TIMM50: variants seen among roughly 807,000 people sequenced by gnomAD.
The protein encoded by TIMM50 is mitochondrial import inner membrane translocase subunit TIM50.
In TIMM50, 34 loss-of-function variants were observed where a neutral mutation model predicts 49.6. That is an observed-to-expected ratio of 0.69 (90% confidence interval 0.52 to 0.91). TIMM50 has a LOEUF of 0.91. Among genes scored for constraint, TIMM50 ranks in the 40% least tolerant of loss-of-function variants. The pLI, the probability that TIMM50 is intolerant of heterozygous loss-of-function variation, is 0.00. For missense variants in TIMM50, 458 were observed against 477.8 expected (o/e 0.96, Z 0.39); for synonymous variants, 199 against 198.4 (o/e 1.00, Z -0.03).
At chr19:39,481,265 G>A (rs2079469531) in intron 1 of TIMM50, 1 of 443,970 alleles carries the variant, frequency 2.3e-6, no homozygotes, top group Admixed American at 4.1e-5. Flanking sequence ...GGACGCTGGA[G>A]TCCCAGTCTG....
chr19:39,483,097 G>C (rs1261396968), intron 3 of TIMM50, 38 bp from the exon 4 acceptor site: 3 of 1,613,896 alleles, frequency 1.9e-6, no homozygotes, highest in Non-Finnish European at 2.5e-6. Context: ...TTCTGCCTCT[G>C]ACATCCTAAA....
chr19:39,481,656 C>T (rs960257193), intron 1 of TIMM50, among the ~76,000 whole-genome samples: 2 of 152,124 alleles, frequency 1.3e-5, no homozygotes, highest in African/African-American at 2.4e-5. Context: ...GGATCCTGTG[C>T]ACCTGGCCTG....
Position 39,493,494 on chromosome 19 carries a change from AAAG to A in TIMM50, c.*3678_*3680del, listed in dbSNP as rs142464577. Reference sequence around the variant, plus strand: ...GGCCTGAAGTAACTGAAGAATCACAAAAGAAGTGAAAAGGCCCTGCCCCGCCTT... The same window carrying A: ...GGCCTGAAGTAACTGAAGAATCACAAAAGTGAAAAGGCCCTGCCCCGCCTT... On this transcript the variant is annotated 3_prime_UTR_variant, in exon 11 of 11. Coordinates refer to ENST00000607714, the MANE Select transcript of TIMM50 (RefSeq NM_001001563.5). 42,974 of 151,766 alleles carry A rather than the reference AAAG, an allele frequency of 0.28. 7,601 individuals are homozygous for A. Among genetic ancestry groups the A allele is most frequent in the African/African-American group, 0.5 (20,554 of 41,268 alleles). The allele number at this position is 151,766 out of a possible 1,614,324, so 9.4% of individuals were successfully genotyped here. A position where few individuals can be genotyped will look rare whatever the true frequency, so the allele number is the denominator to read the frequency against.
At chr19:39,489,658 C>T (rs954342555) in intron 10 of TIMM50, 61 bp from the exon 11 acceptor site, 1 of 1,476,762 alleles carries the variant, frequency 6.8e-7, no homozygotes, top group Non-Finnish European at 9.2e-7. Context: ...ACCTGGGCAT[C>T]TGGGAGGAGG....
chr19:39,488,109 T>G lies in TIMM50; in HGVS notation c.745T>G (p.Cys249Gly). The change falls in exon 9 of 11, where the codon TGC (cysteine) becomes GGC (glycine). Residue 249 changes from cysteine (C) to glycine (G), a missense_variant. Coordinates refer to ENST00000607714, the MANE Select transcript of TIMM50 (RefSeq NM_001001563.5). ...RDPARVVVVD[C>G]KKEAFRLQPY... is the part of the protein sequence containing the mutation. ...CCCAGCTCGAGTAGTAGTTGTGGACTGCAAGAAGGAAGCCTTCCGCCTGCA... is the reference window on the plus strand; with the variant it reads ...CCCAGCTCGAGTAGTAGTTGTGGACGGCAAGAAGGAAGCCTTCCGCCTGCA... 6.2e-7 allele frequency: 1 copy of G among 1,613,876 alleles called. No individual in the cohort carries two copies. The highest frequency in any genetic ancestry group is 1.1e-5 in the South Asian group (1 of 91,076).
At chr19:39,485,654 G>T (rs1219847369) in intron 5 of TIMM50, 34 bp from the exon 6 acceptor site, 2 of 1,613,954 alleles carry the variant, frequency 1.2e-6, no homozygotes, top group Non-Finnish European at 1.7e-6. Flanking sequence ...TGGCCTCCTT[G>T]TCTGAGCGCC....
At chr19:39,482,953 C>G (rs1224991875) in intron 3 of TIMM50, 37 bp downstream of exon 3, 1 of 1,614,020 alleles carries the variant, frequency 6.2e-7, no homozygotes, top group African/African-American at 1.3e-5. Context: ...GCCAGGAGTC[C>G]TAGTCTGTGG....
At chr19:39,487,215 G>T (rs551778934) in intron 8 of TIMM50, among the ~76,000 whole-genome samples, 1 of 152,318 alleles carries the variant, frequency 6.6e-6, no homozygotes, top group East Asian at 1.9e-4. Context: ...CTCTCTGTGT[G>T]CTAGGCCCTG....
intron 8 of TIMM50, among the ~76,000 whole-genome samples, chr19:39,487,235 G>A (rs1234717329): frequency 6.6e-6 from 1 of 152,158 alleles, no homozygotes; most frequent in African/African-American, 2.4e-5. Context: ...GGGTCTAGAA[G>A]TCTATGTGAT....
At chr19:39,481,147 G>A (rs139147272) in intron 1 of TIMM50, 186 bp downstream of exon 1, 89 of 793,160 alleles carry the variant, frequency 1.1e-4, no homozygotes, top group Non-Finnish European at 1.5e-4. Context: ...GGGAATCCAG[G>A]TGTGTCCTTA....
intron 6 of TIMM50, 155 bp from the exon 7 acceptor site, chr19:39,486,032 G>A (rs749443241): frequency 2.7e-5 from 29 of 1,058,710 alleles, no homozygotes; most frequent in Non-Finnish European, 3.2e-5. Context: ...AGCCAGACCC[G>A]CAGTCACAGC....
At chr19:39,485,385 T>C in intron 4 of TIMM50, 159 bp from the exon 5 acceptor site, 3 of 738,422 alleles carry the variant, frequency 4.1e-6, no homozygotes, top group Non-Finnish European at 6.9e-6. Context: ...TATCTGGCGG[T>C]ATGTCATTGC....
chr19:39,486,922 T>C (rs2079511181), intron 8 of TIMM50, among the ~76,000 whole-genome samples: 1 of 152,184 alleles, frequency 6.6e-6, no homozygotes, highest in Non-Finnish European at 1.5e-5. Flanking sequence ...TCTGTGGGTC[T>C]GGCTCCAAGT....
In TIMM50 at chr19:39,483,349, G is replaced by A. The variant is rs74360718; in HGVS notation, c.313+193G>A. The A allele has an allele frequency of 1.2e-5, 8 of 662,970 alleles. No individual in the cohort carries two copies. In the East Asian group the frequency reaches 1.7e-4, roughly 14 times the overall value. 41.1% of individuals were successfully genotyped at this position (662,970 alleles called of 1,614,324 possible). Reference sequence around the variant, plus strand: ...CCCACTTCCCTGGCCCCTCAGCCCCGAGCAGATGGTCAGAGACAGATGGGG... The same window carrying A: ...CCCACTTCCCTGGCCCCTCAGCCCCAAGCAGATGGTCAGAGACAGATGGGG... On this transcript the variant is annotated intron_variant, in intron 4 of 10. Transcript: ENST00000607714.
rs748098940 is a variant in TIMM50, at chr19:39,485,727, C to T, written c.412C>T (p.Pro138Ser). Residue 138 changes from proline to serine, a missense_variant, in exon 6 of 11, where the codon CCT becomes TCT. By Grantham distance (74) the Pro-to-Ser change is moderately conservative (BLOSUM62 -1). Transcript: ENST00000607714. ...CACCAGCCCTTGCCTTCTCCCAGAC[C>T]CTCTGCAGGAACCGTACTACCAGCC... Reference protein sequence around the residue: ...EPTSPCLLPDPLQEPYYQPPY... With the variant: ...EPTSPCLLPDSLQEPYYQPPY... 3.1e-6 allele frequency: 5 copies of T among 1,614,138 alleles called. No individual in the cohort carries two copies. Among genetic ancestry groups the T allele is most frequent in the Admixed American group, 1.7e-5 (1 of 60,006 alleles).
At chr19:39,487,690 C>T (rs1371120163) in intron 8 of TIMM50, among the ~76,000 whole-genome samples, 1 of 152,162 alleles carries the variant, frequency 6.6e-6, no homozygotes, top group East Asian at 1.9e-4. Flanking sequence ...AACTCCTGAG[C>T]TCAGGCAATC....
At chr19:39,485,993 G>C in intron 6 of TIMM50, 186 bp downstream of exon 6, 2 of 1,121,944 alleles carry the variant, frequency 1.8e-6, no homozygotes, top group Non-Finnish European at 2.6e-6. Flanking sequence ...GTGTAGGTGT[G>C]CCCAGGCACG....
chr19:39,485,009 T>C (rs1409663309), intron 4 of TIMM50: 2 of 158,936 alleles, frequency 1.3e-5, no homozygotes, highest in African/African-American at 4.9e-5. Flanking sequence ...CACGCTGGAG[T>C]GCAGTGGTGC....
chr19:39,491,956 A>G lies in TIMM50; in HGVS notation c.*2136A>G, dbSNP rs1021459658. The G allele has an allele frequency of 9.9e-5, 15 of 151,882 alleles. No homozygotes were observed. Among genetic ancestry groups the G allele is most frequent in the African/African-American group, 2.2e-4 (9 of 41,344 alleles). 9.4% of individuals were successfully genotyped at this position (151,882 alleles called of 1,614,324 possible). ...AGTGTTGAACTTCTGGGCTCAAACA[A>G]TCTTCCTGCCTTGGCCTCCCCAAAT... On this transcript the variant is annotated 3_prime_UTR_variant, in exon 11 of 11. Transcript: ENST00000607714.
Sources: allele counts gnomAD v4.1 joint callset (sites outside exome capture counted in the v4.1 genomes callset), GRCh38; gene constraint gnomAD v4.1.1; transcripts MANE v1.5; gene names NCBI Gene and HGNC (gene_info 2026-07-23, HGNC 2026-07-21).